The following MUC4 variants were observed in gnomAD, a reference collection of about 807,000 sequenced individuals.
MUC4 encodes the protein mucin 4, cell surface associated.
MUC4 carries 202 observed loss-of-function variants against 257.9 expected under a neutral mutation model. That is an observed-to-expected ratio of 0.78 (90% CI 0.70 to 0.88). The LOEUF is 0.88. MUC4 is among the 40% of genes least tolerant of loss of function. MUC4 has a pLI of 0.00. For missense variants in MUC4, 5,976 were observed against 6,513.7 expected, an observed-to-expected ratio of 0.92 and a Z score of 2.84; for synonymous variants, 2,351 against 2,757.1, an observed-to-expected ratio of 0.85 and a Z score of 4.62.
rs1717070690 is a variant in MUC4, at chr3:195,754,277, G to A, written c.15264C>T (p.Cys5088=). Residue 5088 remains cysteine, a synonymous_variant, in exon 19 of 25, where the codon TGC becomes TGT. Transcript: ENST00000463781. ...AGGCCTCGCAGCCCTTCCCAGGAAC[G>A]CAGTGGACACTCGGGAAGCACGGCT... ...CEEPCFPSVH[C]VPGKGCEACP... 6.2e-7 allele frequency: 1 copy of A among 1,613,974 alleles called. No homozygotes were observed.
At chr3:195,748,856 G>A in intron 24 of MUC4, 46 bp downstream of exon 24, 2 of 1,496,550 alleles carry the variant, frequency 1.3e-6, no homozygotes, top group Non-Finnish European at 1.8e-6. Flanking sequence ...GCCCAGCTTG[G>A]GTTCCCCAGC....
intron 15 of MUC4, 77 bp from the exon 16 acceptor site, chr3:195,761,194 T>G: frequency 7.2e-7 from 1 of 1,385,812 alleles, no homozygotes; most frequent in South Asian, 1.2e-5. Flanking sequence ...TACCCCTCAC[T>G]TTAGATGGCT....
In MUC4 at chr3:195,762,264, C is replaced by T; in HGVS notation, c.14345-10G>A. The T allele has an allele frequency of 1.3e-6, 2 of 1,562,884 alleles. No individual in the cohort carries two copies. The highest frequency in any genetic ancestry group is 1.4e-5 in the African/African-American group (1 of 73,562). ...TTGAACGTCTCCTGGCCTGGAGCAT[C>T]GGGAGGCAGCGGAGAGGAAGCCAGG... is the stretch of plus-strand genomic sequence containing the variant. On this transcript the variant is annotated splice_polypyrimidine_tract_variant and intron_variant, in intron 13 of 24. Coordinates refer to ENST00000463781, the MANE Select transcript of MUC4 (RefSeq NM_018406.7).
Position 195,811,913 on chromosome 3 carries a change from T to A in MUC4, c.-96A>T, listed in dbSNP as rs1455618128. 1.4e-5 allele frequency: 18 copies of A among 1,257,864 alleles called. No individual in the cohort carries two copies. The highest frequency in any genetic ancestry group is 1.9e-5 in the Non-Finnish European group (17 of 892,154). 77.9% of individuals were successfully genotyped at this position (1,257,864 alleles called of 1,614,324 possible). On this transcript the variant is annotated 5_prime_UTR_variant, in exon 1 of 25. Transcript: ENST00000463781. The stretch of plus-strand genomic sequence containing the variant: ...ACGTGAGCCCGTCCCCTCAGGCGGC[T>A]GGCCCGAACCAAGTGCGTTTCTCCG...
At position 195,811,798 on chromosome 3, in the gene MUC4, C is replaced by G. The variant is rs373584938; in HGVS notation, c.20G>C (p.Arg7Thr). Residue 7 changes from arginine to threonine, a missense_variant, in exon 1 of 25, where the codon AGG (arginine) becomes ACG (threonine). By Grantham distance (71) the Arg-to-Thr change is moderately conservative. Transcript: ENST00000463781. ...GCTCAGGGACACCCAGGGGACCCTC[C>G]TCCAGCGTGCCCCCTTCATGGCTGC... is the stretch of plus-strand genomic sequence containing the variant. The part of the protein sequence containing the change: MKGARW[R>T]RVPWVSLSCL... 3.1e-6 allele frequency: 5 copies of G among 1,613,980 alleles called. No individual in the cohort carries two copies. The highest frequency in any genetic ancestry group is 1.1e-5 in the South Asian group (1 of 91,076).
chr3:195,751,022 G>T lies in MUC4; in HGVS notation c.15738C>A (p.Asp5246Glu), dbSNP rs1716301369. 2 of 1,614,040 alleles carry T rather than the reference G, an allele frequency of 1.2e-6. No individual in the cohort carries two copies. Among genetic ancestry groups the T allele is most frequent in the East Asian group, 4.5e-5 (2 of 44,866 alleles). Residue 5246 changes from aspartate to glutamate, a missense_variant, in exon 23 of 25, where the codon GAC (aspartate) becomes GAA (glutamate). Physicochemically the swap from Asp to Glu is conservative, Grantham distance 45 (BLOSUM62 2). This residue lies in a region of MUC4 where 310 missense variants were observed against 242.1 expected (regional missense o/e 1.28). Coordinates refer to ENST00000463781, the MANE Select transcript of MUC4 (RefSeq NM_018406.7). ...CGGCCAGCAGCTGGTTGTTCAGGAAGTCAATGACCGGGCCCCGAGGGCGGT... is the reference window on the plus strand; with the variant it reads ...CGGCCAGCAGCTGGTTGTTCAGGAATTCAATGACCGGGCCCCGAGGGCGGT... Reference protein sequence around the residue: ...FQYRPRGPVIDFLNNQLLAAV... With the variant: ...FQYRPRGPVIEFLNNQLLAAV...
rs540508077 is a variant in MUC4, at chr3:195,791,274, A to T, written c.306T>A (p.Phe102Leu). 107 of 1,451,262 alleles carry T rather than the reference A, an allele frequency of 7.4e-5. 1 individual carries two copies. The South Asian group carries it at 1.2e-3, about 16-fold the overall frequency. 89.9% of individuals were successfully genotyped at this position (1,451,262 alleles called of 1,614,324 possible). The change falls in exon 2 of 25, where the codon TTT (phenylalanine) becomes TTA (leucine). Residue 102 changes from phenylalanine to leucine, a missense_variant. Phe to Leu is a conservative substitution (Grantham distance 22). Around this residue, in one of 44 missense-constraint regions of MUC4, gnomAD observed 1,583 missense variants for 1,257.4 expected, o/e 1.26. Transcript: ENST00000463781. ...TLTQMMTSTLFSSPSVHNVME... is the reference protein window; with the variant it reads ...TLTQMMTSTLLSSPSVHNVME... ...TCACATTGTGTACACTTGGGGAAGA[A>T]AAAAGAGTTGATGTCATCATCTGCG...
chr3:195,787,825 GTGACAGGAAGAGGGGTGGTGTGAC>G lies in MUC4; in HGVS notation c.3731_3754del (p.Gly1244_Thr1252delinsAla). 2 of 536,702 alleles carry G rather than the reference GTGACAGGAAGAGGGGTGGTGTGAC, an allele frequency of 3.7e-6. No individual in the cohort carries two copies. Among genetic ancestry groups the G allele is most frequent in the South Asian group, 2.0e-5 (1 of 49,628 alleles). 33.2% of individuals were successfully genotyped at this position (536,702 alleles called of 1,614,324 possible). A position where few individuals can be genotyped will look rare whatever the true frequency, so the allele number is the denominator to read the frequency against. ...ACCTGTGGATGCTGAGGAAGTGTCGGTGACAGGAAGAGGGGTGGTGTGACCTGTGGATGCTGCGGAAGGGATGGT... is the reference window on the plus strand; with the variant it reads ...ACCTGTGGATGCTGAGGAAGTGTCGGCTGTGGATGCTGCGGAAGGGATGGT... On this transcript the variant is annotated inframe_deletion, in exon 2 of 25. Coordinates refer to ENST00000463781, the MANE Select transcript of MUC4 (RefSeq NM_018406.7).
At chr3:195,759,367 T>TG in intron 16 of MUC4, 106 bp from the exon 17 acceptor site, 2 of 1,405,768 alleles carry the variant, frequency 1.4e-6, no homozygotes, top group South Asian at 2.6e-5. Flanking sequence ...CCCAGGACTG[T>TG]GACCCACCTC....
At position 195,759,122 on chromosome 3, in the gene MUC4, A is replaced by C. The variant is rs376773480; in HGVS notation, c.14986+2T>G. 6.2e-7 allele frequency: 1 copy of C among 1,613,674 alleles called. No individual in the cohort carries two copies. Among genetic ancestry groups the C allele is most frequent in the Non-Finnish European group, 8.5e-7 (1 of 1,179,930 alleles). On this transcript the variant is annotated splice_donor_variant, in intron 17 of 24. Transcript: ENST00000463781. LOFTEE classifies it high-confidence loss of function. ...TCTCCCCAGCCAGCCAAATAGTCCT[A>C]CCAAAGAGCTCCAAGTCGGTGCAGC...
Position 195,789,348 on chromosome 3 carries a change from T to C in MUC4, c.2232A>G (p.Val744=), listed in dbSNP as rs1271169530. The C allele has an allele frequency of 2.5e-6, 4 of 1,613,792 alleles. No homozygotes were observed. In the African/African-American group the frequency reaches 4.0e-5, roughly 16 times the overall value. Residue 744 remains valine, a synonymous_variant, in exon 2 of 25, where the codon GTA becomes GTG. Transcript: ENST00000463781. ...CTTCTGGGCCCCCTGGTGTTGACACTACAGAGTTGGCCAGAGTAAGGGCAC... is the reference window on the plus strand; with the variant it reads ...CTTCTGGGCCCCCTGGTGTTGACACCACAGAGTTGGCCAGAGTAAGGGCAC... The part of the protein sequence containing the change: ...KTGALTLANS[V]VSTPGGPEGQ...
intron 4 of MUC4, among the ~76,000 whole-genome samples, chr3:195,773,785 T>A (rs2148876856): frequency 6.6e-6 from 1 of 152,334 alleles, no homozygotes; most frequent in Admixed American, 6.5e-5. Context: ...TCAGTCGCCC[T>A]CTCATGCTGT....
Position 195,783,111 on chromosome 3 carries a change from G to T in MUC4, c.8469C>A (p.Ser2823=). The T allele has an allele frequency of 9.7e-6, 12 of 1,233,634 alleles. 3 individuals carry two copies. Among genetic ancestry groups the T allele is most frequent in the South Asian group, 7.9e-5 (5 of 63,264 alleles). 76.4% of individuals were successfully genotyped at this position (1,233,634 alleles called of 1,614,324 possible). A position where few individuals can be genotyped will look rare whatever the true frequency, so the allele number is the denominator to read the frequency against. Residue 2823 remains serine (S), a synonymous_variant, in exon 2 of 25, where the codon TCC becomes TCA. Transcript: ENST00000463781. ...AGGTGGCATGACCTGTGAACACTGA[G>T]GAAGCGTCGGTGACAGGAAGAGAGG... ...HATSLPVTDA[S]SVFTGHATSL...
At position 195,764,064 on chromosome 3, in the gene MUC4, T is replaced by C; in HGVS notation, c.14025A>G (p.Thr4675=). Reference sequence around the variant, plus strand: ...GCTCACCGGGCTGTGGGGGCCTGTATGTAGCACAGCCCACGTGGGGCCGCC... The same window carrying C: ...GCTCACCGGGCTGTGGGGGCCTGTACGTAGCACAGCCCACGTGGGGCCGCC... ...QQRRPHVGCA[T]YRPPQPAWMF... The change falls in exon 11 of 25, where the codon ACA becomes ACG. Residue 4675 remains threonine, a synonymous_variant. Coordinates refer to ENST00000463781, the MANE Select transcript of MUC4 (RefSeq NM_018406.7). The C allele has an allele frequency of 1.2e-6, 2 of 1,611,064 alleles. No individual in the cohort carries two copies. The highest frequency in any genetic ancestry group is 1.7e-6 in the Non-Finnish European group (2 of 1,179,250).
At chr3:195,768,301 A>T (rs1722060770) in intron 7 of MUC4, among the ~76,000 whole-genome samples, 1 of 152,246 alleles carries the variant, frequency 6.6e-6, no homozygotes, top group Non-Finnish European at 1.5e-5. Context: ...AGAACAAAAG[A>T]CATGTGGCCT....
At position 195,751,120 on chromosome 3, in the gene MUC4, G is replaced by A. The variant is rs1458141538; in HGVS notation, c.15648-8C>T. On this transcript the variant is annotated splice_polypyrimidine_tract_variant and splice_region_variant and intron_variant, in intron 22 of 24. Transcript: ENST00000463781. ...GCCGGTGCTGCAGAATCGCTGTGTGGGAGGGCAACGGTGAGGGGGGGTGGG... is the reference window on the plus strand; with the variant it reads ...GCCGGTGCTGCAGAATCGCTGTGTGAGAGGGCAACGGTGAGGGGGGGTGGG... 7 of 1,597,288 alleles carry A rather than the reference G, an allele frequency of 4.4e-6. No homozygotes were observed. The highest frequency in any genetic ancestry group is 1.1e-5 in the South Asian group (1 of 88,772).
chr3:195,757,491 C>A lies in MUC4; in HGVS notation c.14987-163G>T, dbSNP rs1208386337. ...GAGCAAGGCTGGTATCGGGGGTGATCCTGGTCACGCTCCCAGCTGGAAGGA... is the reference window on the plus strand; with the variant it reads ...GAGCAAGGCTGGTATCGGGGGTGATACTGGTCACGCTCCCAGCTGGAAGGA... On this transcript the variant is annotated intron_variant, in intron 17 of 24. Coordinates refer to ENST00000463781, the MANE Select transcript of MUC4 (RefSeq NM_018406.7). This position sits in a 1 kb window ranked among gnomAD's most constrained non-coding sequence, Gnocchi z 4.8. Among the ~76,000 whole-genome samples the A allele has an allele frequency of 6.6e-6, 1 of 150,754 alleles. No individual in the cohort carries two copies. Among genetic ancestry groups the A allele is most frequent in the Non-Finnish European group, 1.5e-5 (1 of 67,726 alleles).
In MUC4 at chr3:195,788,997, T is replaced by C. The variant is rs375943238; in HGVS notation, c.2583A>G (p.Thr861=). The C allele has an allele frequency of 3.1e-6, 5 of 1,613,760 alleles. No individual in the cohort carries two copies. The highest frequency in any genetic ancestry group is 4.2e-6 in the Non-Finnish European group (5 of 1,179,854). ...SASHGAIPVS[T]GMASSIVPGT... ...CGGGGACGATCGAAGACGCCATTCC[T>C]GTGCTTACTGGGATGGCACCATGAC... The change falls in exon 2 of 25, where the codon ACA becomes ACG. Residue 861 remains threonine (T), a synonymous_variant. Coordinates refer to ENST00000463781, the MANE Select transcript of MUC4 (RefSeq NM_018406.7).
chr3:195,762,569 C>T (rs1340355924), intron 13 of MUC4, among the ~76,000 whole-genome samples: 15 of 149,048 alleles, frequency 1.0e-4, no homozygotes, highest in Non-Finnish European at 1.9e-4. Context: ...TGCACCGCAA[C>T]GCACCGGGCC....
Sources: gnomAD v4.1 joint callset for allele counts (sites outside exome capture counted in the v4.1 genomes callset) on GRCh38, gnomAD v4.1.1 for gene constraint, gnomAD v4.1.1 regional missense constraint, Gnocchi (gnomAD v3.1) non-coding constraint, MANE v1.5 for transcripts, NCBI Gene and HGNC (gene_info 2026-07-23, HGNC 2026-07-21) for gene names.